The following KCNN2 variants were observed in gnomAD, a reference collection of about 807,000 sequenced individuals.
KCNN2 encodes the protein small conductance calcium-activated potassium channel protein 2.
A neutral mutation model predicts 55.5 loss-of-function variants in KCNN2; 24 were observed. The observed-to-expected ratio is 0.43, with a 90% confidence interval of 0.31 to 0.61. KCNN2 has a LOEUF of 0.61. Among genes scored for constraint, KCNN2 ranks in the 20% least tolerant of loss-of-function variants. The pLI is 0.08. For missense variants in KCNN2, 754 were observed against 853.6 expected, an observed-to-expected ratio of 0.88 and a Z score of 1.45; for synonymous variants, 431 against 336.1, an observed-to-expected ratio of 1.28 and a Z score of -3.09.
At chr5:114,060,796 T>C (rs140087228) in intron 1 of KCNN2, among the ~76,000 whole-genome samples, 53 of 152,368 alleles carry the variant, frequency 3.5e-4, no homozygotes, top group African/African-American at 1.1e-3. Context: ...GTGCCTGGCA[T>C]GTAAGAAGGG....
intron 3 of KCNN2, among the ~76,000 whole-genome samples, chr5:114,442,655 G>A (rs904956070): frequency 1.3e-5 from 2 of 152,060 alleles, no homozygotes; most frequent in Non-Finnish European, 2.9e-5. Context: ...GGCAAACGAC[G>A]GAAGACTCAG....
At chr5:114,301,463 T>C (rs922208200) in intron 2 of KCNN2, among the ~76,000 whole-genome samples, 2 of 152,150 alleles carry the variant, frequency 1.3e-5, no homozygotes, top group African/African-American at 4.8e-5. Context: ...AAAGCTCTCT[T>C]GTAATCTATT....
intron 1 of KCNN2, among the ~76,000 whole-genome samples, chr5:114,166,894 C>T (rs1365042603): frequency 2.0e-5 from 3 of 152,046 alleles, no homozygotes. Context: ...TCTGTCTGCC[C>T]TCCACTATTT....
chr5:114,286,306 G>A (rs973751931), intron 2 of KCNN2, among the ~76,000 whole-genome samples: 1 of 152,146 alleles, frequency 6.6e-6, no homozygotes, highest in African/African-American at 2.4e-5. Context: ...TTTTGAACAT[G>A]CCCTTGGTAT....
chr5:114,433,930 G>C (rs1244085795), intron 3 of KCNN2: 1 of 159,326 alleles, frequency 6.3e-6, no homozygotes, highest in East Asian at 1.8e-4. Flanking sequence ...TCCGGACGCA[G>C]TTGGGTCTTG....
intron 2 of KCNN2, among the ~76,000 whole-genome samples, chr5:114,295,491 G>C (rs1224891065): frequency 6.6e-6 from 1 of 152,166 alleles, no homozygotes; most frequent in Non-Finnish European, 1.5e-5. Context: ...ATGGGCATGG[G>C]ACCCTCCGAG....
At chr5:114,458,610 G>A (rs910491620) in intron 3 of KCNN2, among the ~76,000 whole-genome samples, 3 of 152,128 alleles carry the variant, frequency 2.0e-5, no homozygotes, top group South Asian at 2.1e-4. Flanking sequence ...AGGCATAGTC[G>A]TTATCTTCAA....
chr5:114,078,019 G>A (rs984707681), intron 1 of KCNN2, among the ~76,000 whole-genome samples: 5 of 152,172 alleles, frequency 3.3e-5, no homozygotes, highest in African/African-American at 4.8e-5. Flanking sequence ...TAATAATGCT[G>A]TAAAAATATT....
intron 1 of KCNN2, among the ~76,000 whole-genome samples, chr5:114,115,106 C>T (rs1751685003): frequency 6.6e-6 from 1 of 152,080 alleles, no homozygotes; most frequent in Admixed American, 6.6e-5. Flanking sequence ...AATCTCTTTG[C>T]TCTGAATGAA....
At chr5:114,467,616 C>A (rs1430640868) in intron 4 of KCNN2, among the ~76,000 whole-genome samples, 1 of 152,112 alleles carries the variant, frequency 6.6e-6, no homozygotes, top group Non-Finnish European at 1.5e-5. Flanking sequence ...TGGGCCTTTT[C>A]AGTCATAAGG....
At chr5:114,471,852 T>G (rs1208892814) in intron 4 of KCNN2, among the ~76,000 whole-genome samples, 3 of 152,222 alleles carry the variant, frequency 2.0e-5, no homozygotes, top group Non-Finnish European at 4.4e-5. Flanking sequence ...ATTTATTTTC[T>G]CCTTTTCTCC....
At chr5:114,076,332 A>G (rs1320543698) in intron 1 of KCNN2, among the ~76,000 whole-genome samples, 2 of 152,204 alleles carry the variant, frequency 1.3e-5, no homozygotes, top group South Asian at 2.1e-4. Flanking sequence ...CCACACTGTG[A>G]TGTATAATCC....
At chr5:114,422,170 CAAGGGGG>C (rs1200847322) in intron 3 of KCNN2, among the ~76,000 whole-genome samples, 1 of 152,162 alleles carries the variant, frequency 6.6e-6, no homozygotes, top group Non-Finnish European at 1.5e-5. Context: ...TGTCTCAAAT[CAAGGGGG>C]CTATTTTAGA....
chr5:114,292,290 G>C (rs1169848015), intron 2 of KCNN2, among the ~76,000 whole-genome samples: 1 of 152,226 alleles, frequency 6.6e-6, no homozygotes, highest in Non-Finnish European at 1.5e-5. Context: ...GAATGGCATT[G>C]CCTAGGTTTT....
At chr5:114,178,132 G>C (rs1753172986) in intron 1 of KCNN2, among the ~76,000 whole-genome samples, 1 of 152,148 alleles carries the variant, frequency 6.6e-6, no homozygotes, top group Admixed American at 6.5e-5. Flanking sequence ...AACATGCTGA[G>C]ATAAATCAGT....
At chr5:114,091,405 A>T (rs1371229695) in intron 1 of KCNN2, among the ~76,000 whole-genome samples, 1 of 152,166 alleles carries the variant, frequency 6.6e-6, no homozygotes, top group African/African-American at 2.4e-5. Flanking sequence ...ATCCAAATTG[A>T]TTAGAGTAGG....
At chr5:114,074,293 C>CGTGTGT (rs371882287) in intron 1 of KCNN2, among the ~76,000 whole-genome samples, 1,539 of 144,564 alleles carry the variant, frequency 0.011, 16 homozygotes, top group Middle Eastern at 0.022. Context: ...GCCATGTTTG[C>CGTGTGT]GTGTGTGTGT....
intron 2 of KCNN2, among the ~76,000 whole-genome samples, chr5:114,277,142 T>C (rs1038102558): frequency 6.6e-6 from 1 of 152,202 alleles, no homozygotes; most frequent in African/African-American, 2.4e-5. Flanking sequence ...AATTCTTTTC[T>C]ATGAGATTGT....
intron 2 of KCNN2, among the ~76,000 whole-genome samples, chr5:114,375,938 A>G (rs1325296934): frequency 2.1e-5 from 3 of 142,148 alleles, no homozygotes; most frequent in African/African-American, 7.8e-5. Context: ...ATCATTTAAA[A>G]AAAGACTCAC....
Sources: gnomAD v4.1 joint callset for allele counts (sites outside exome capture counted in the v4.1 genomes callset) on GRCh38, gnomAD v4.1.1 for gene constraint, MANE v1.5 for transcripts, NCBI Gene and HGNC (gene_info 2026-07-23, HGNC 2026-07-21) for gene names.